The following NALCN variants were observed in gnomAD, a reference collection of about 807,000 sequenced individuals.
The protein encoded by NALCN is sodium leak channel, non-selective.
Under a neutral mutation model 225.3 loss-of-function variants are expected in NALCN, and 111 were observed. The ratio of observed to expected loss-of-function variants is 0.49; its 90% confidence interval spans 0.42 to 0.58. The LOEUF (loss-of-function observed/expected upper bound fraction) is 0.58. Ranked by LOEUF, NALCN falls within the 20% of genes least tolerant of loss-of-function variation. The pLI, the probability that NALCN is intolerant of heterozygous loss-of-function variation, is 0.00. For synonymous variants in NALCN, 764 were observed against 769.0 expected (o/e 0.99, Z 0.11); for missense variants, 1,378 against 2,202.4 (o/e 0.63, Z 7.49).
At chr13:101,361,050 C>T (rs975927884) in intron 6 of NALCN, among the ~76,000 whole-genome samples, 8 of 152,150 alleles carry the variant, frequency 5.3e-5, no homozygotes, top group African/African-American at 1.7e-4. Flanking sequence ...AGAATCTCAG[C>T]CTTGCCTAAA....
At chr13:101,248,233 G>A (rs1238711060) in intron 11 of NALCN, among the ~76,000 whole-genome samples, 1 of 151,944 alleles carries the variant, frequency 6.6e-6, no homozygotes, top group Non-Finnish European at 1.5e-5. Flanking sequence ...ATGAAAAAGA[G>A]AAAATAATAA....
At chr13:101,410,117 A>C (rs939173757) in intron 1 of NALCN, among the ~76,000 whole-genome samples, 1 of 152,218 alleles carries the variant, frequency 6.6e-6, no homozygotes, top group African/African-American at 2.4e-5. Context: ...CAAAGTCTGG[A>C]GTTTAAGCCA....
chr13:101,061,919 A>AGGGCG (rs752066253), intron 41 of NALCN, 49 bp downstream of exon 41: 26 of 1,368,570 alleles, frequency 1.9e-5, no homozygotes, highest in Middle Eastern at 4.6e-4. Context: ...CCTGCGGGGC[A>AGGGCG]GGGCGGGGCG....
At chr13:101,114,908 T>C (rs1422301347) in intron 18 of NALCN, among the ~76,000 whole-genome samples, 2 of 152,212 alleles carry the variant, frequency 1.3e-5, no homozygotes, top group Non-Finnish European at 2.9e-5. Context: ...GTTCTCTCCA[T>C]GCCATTTTCT....
chr13:101,252,965 A>G (rs1213992416), intron 11 of NALCN, among the ~76,000 whole-genome samples: 1 of 152,176 alleles, frequency 6.6e-6, no homozygotes, highest in Admixed American at 6.5e-5. Flanking sequence ...TCTAATGGAT[A>G]CAAATACATT....
intron 15 of NALCN, among the ~76,000 whole-genome samples, chr13:101,153,739 AC>A (rs1332367034): frequency 6.6e-6 from 1 of 152,148 alleles, no homozygotes; most frequent in Non-Finnish European, 1.5e-5. Flanking sequence ...GACTCCTGAA[AC>A]CTTCCTAACT....
At chr13:101,270,478 A>G (rs2042740527) in intron 10 of NALCN, among the ~76,000 whole-genome samples, 1 of 152,236 alleles carries the variant, frequency 6.6e-6, no homozygotes, top group Non-Finnish European at 1.5e-5. Flanking sequence ...AATTGAAGCT[A>G]GCTGTCCTTT....
At chr13:101,085,871 T>C (rs543180164) in intron 30 of NALCN, among the ~76,000 whole-genome samples, 1 of 152,266 alleles carries the variant, frequency 6.6e-6, no homozygotes, top group African/African-American at 2.4e-5. Flanking sequence ...TTTACATCAA[T>C]ACAATCAATA....
At chr13:101,216,054 T>C (rs1371181294) in intron 13 of NALCN, among the ~76,000 whole-genome samples, 1 of 152,000 alleles carries the variant, frequency 6.6e-6, no homozygotes, top group Non-Finnish European at 1.5e-5. Flanking sequence ...CGTGCGGAGA[T>C]ATCATGGGGG....
At chr13:101,074,044 A>G (rs2033089438) in intron 36 of NALCN, among the ~76,000 whole-genome samples, 1 of 152,000 alleles carries the variant, frequency 6.6e-6, no homozygotes, top group Non-Finnish European at 1.5e-5. Context: ...TCAGGACTTG[A>G]AAAAAAATGA....
chr13:101,238,071 T>C (rs572276006), intron 11 of NALCN, 149 bp from the exon 12 acceptor site: 17 of 616,150 alleles, frequency 2.8e-5, no homozygotes, highest in Non-Finnish European at 4.4e-5. Context: ...ACTTTAAGAA[T>C]GCATTTGAAA....
In NALCN at chr13:101,213,151, C is replaced by A. The variant is rs533788995; in HGVS notation, c.1626+16242G>T. 2.3e-4 allele frequency among the ~76,000 whole-genome samples: 35 copies of A among 152,162 alleles called. 1 individual carries two copies. Among genetic ancestry groups the A allele is most frequent in the Admixed American group, 4.6e-4 (7 of 15,274 alleles). On this transcript the variant is annotated intron_variant, in intron 13 of 43. Transcript: ENST00000251127. ...CCTCAGAAATAATACCACACATCTA[C>A]AACCATCTGATCTTTGACAAACCTG...
intron 18 of NALCN, among the ~76,000 whole-genome samples, chr13:101,112,522 C>T (rs2035497286): frequency 6.6e-6 from 1 of 152,162 alleles, no homozygotes; most frequent in African/African-American, 2.4e-5. Context: ...GATTAAAAGA[C>T]CTGTGTGCCA....
intron 6 of NALCN, among the ~76,000 whole-genome samples, chr13:101,345,771 T>TATATATATATATA (rs56015893): frequency 4.2e-4 from 49 of 116,936 alleles, no homozygotes; most frequent in East Asian, 1.2e-3. Context: ...TATATATATA[T>TATATATATATATA]TTAGAGAGGG....
At chr13:101,340,517 C>T (rs2045524604) in intron 7 of NALCN, among the ~76,000 whole-genome samples, 1 of 152,170 alleles carries the variant, frequency 6.6e-6, no homozygotes, top group Non-Finnish European at 1.5e-5. Flanking sequence ...TTGTTCTACG[C>T]TACACGTACT....
chr13:101,099,783 A>G (rs1262495279), intron 27 of NALCN, among the ~76,000 whole-genome samples: 1 of 152,110 alleles, frequency 6.6e-6, no homozygotes, highest in Non-Finnish European at 1.5e-5. Flanking sequence ...TCAGTTGGAG[A>G]TGGCTCTCCA....
chr13:101,191,123 A>T (rs1328840622), intron 14 of NALCN, among the ~76,000 whole-genome samples: 3 of 152,074 alleles, frequency 2.0e-5, no homozygotes, highest in Non-Finnish European at 4.4e-5. Context: ...AGTTGTATTT[A>T]TTTCTTGTAT....
At position 101,107,564 on chromosome 13, in the gene NALCN, A is replaced by G. The variant is rs1474772223; in HGVS notation, c.2502T>C (p.Asp834=). ...CTCGCCCGACAATGAACAGTGGCTT[A>G]TCGAAGTATGGGTGGTTCTCTCTGA... ...EELRENHPYF[D]KPLFIVGREH... Residue 834 remains aspartate (D), a synonymous_variant, in exon 22 of 44, where the codon GAT becomes GAC. Coordinates refer to ENST00000251127, the MANE Select transcript of NALCN (RefSeq NM_052867.4). 1.9e-6 allele frequency: 3 copies of G among 1,614,054 alleles called. No individual in the cohort carries two copies. The African/African-American group carries it at 4.0e-5, about 22-fold the overall frequency.
At chr13:101,221,482 AACCCTGAC>A (rs1191585205) in intron 13 of NALCN, among the ~76,000 whole-genome samples, 1 of 152,102 alleles carries the variant, frequency 6.6e-6, no homozygotes, top group African/African-American at 2.4e-5. Flanking sequence ...CACTTGGACC[AACCCTGAC>A]ACAGGCTACT....
Sources: gnomAD v4.1 joint callset for allele counts (sites outside exome capture counted in the v4.1 genomes callset) on GRCh38, gnomAD v4.1.1 for gene constraint, MANE v1.5 for transcripts, NCBI Gene and HGNC (gene_info 2026-07-23, HGNC 2026-07-21) for gene names.